The following ZFYVE28 variants were observed in gnomAD, a reference collection of about 807,000 sequenced individuals.
ZFYVE28 encodes the protein zinc finger FYVE-type containing 28.
In ZFYVE28, 40 loss-of-function variants were observed where a neutral mutation model predicts 82.1. The ratio of observed to expected loss-of-function variants is 0.49; its 90% CI spans 0.38 to 0.63. The LOEUF is 0.63. ZFYVE28 is among the 30% of genes least tolerant of loss of function. The probability of loss-of-function intolerance (pLI) is 0.00; values close to 1 mark genes in which losing one functional copy is unlikely to be tolerated. For synonymous variants in ZFYVE28, 612 were observed against 546.1 expected (o/e 1.12, Z -1.68); for missense variants, 1,321 against 1,242.1 (o/e 1.06, Z -0.96).
intron 8 of ZFYVE28, among the ~76,000 whole-genome samples, chr4:2,297,478 A>G (rs1193631604): frequency 6.6e-6 from 1 of 152,174 alleles, no homozygotes; most frequent in Non-Finnish European, 1.5e-5. Context: ...GGAGGCCAGG[A>G]CCCACTGTCC....
chr4:2,351,102 T>C (rs1447358415), intron 2 of ZFYVE28, among the ~76,000 whole-genome samples: 9 of 152,176 alleles, frequency 5.9e-5, no homozygotes, highest in African/African-American at 1.7e-4. Flanking sequence ...GACTTGGGAT[T>C]GGCATCTGAA....
chr4:2,396,178 G>C (rs1300028786), intron 1 of ZFYVE28, among the ~76,000 whole-genome samples: 16 of 42,164 alleles, frequency 3.8e-4, no homozygotes, highest in Admixed American at 1.5e-3. Context: ...GACACAAGGT[G>C]GGGGTGTCTG....
At chr4:2,356,251 G>A (rs1442482575) in intron 1 of ZFYVE28, among the ~76,000 whole-genome samples, 1 of 152,214 alleles carries the variant, frequency 6.6e-6, no homozygotes, top group Admixed American at 6.5e-5. Flanking sequence ...GACCTGGGCA[G>A]CCAATGGGAA....
chr4:2,305,468 T>C lies in ZFYVE28; in HGVS notation c.872A>G (p.Asp291Gly). 24 of 1,612,954 alleles carry C rather than the reference T, an allele frequency of 1.5e-5. No homozygotes were observed. The highest frequency in any genetic ancestry group is 2.0e-5 in the Non-Finnish European group (24 of 1,180,026). ...GTCTGCGCGGATGGGGAACTCCACG[T>C]CTTGGGAAATGCAGAGGTTCCGTTC... ...TLERNLCISQ[D>G]VEFPIRADVQ... The change falls in exon 8 of 13, where the codon GAC (aspartate) becomes GGC (glycine). Residue 291 changes from aspartate (D) to glycine (G), a missense_variant. Asp to Gly is a moderately conservative substitution (Grantham distance 94, BLOSUM62 -1). This residue lies in a region of ZFYVE28 where 978 missense variants were observed against 833.7 expected (regional missense o/e 1.17). Coordinates refer to ENST00000290974, the MANE Select transcript of ZFYVE28 (RefSeq NM_020972.3).
intron 7 of ZFYVE28, among the ~76,000 whole-genome samples, chr4:2,307,273 T>C (rs1341754349): frequency 1.3e-5 from 2 of 152,192 alleles, no homozygotes; most frequent in Non-Finnish European, 2.9e-5. Context: ...ATTGATTGAG[T>C]TCTTTATATA....
rs1310681484 is a variant in ZFYVE28, at chr4:2,332,116, G to A, written c.701+3589C>T. Among the ~76,000 whole-genome samples, 2 of 152,200 alleles carry A rather than the reference G, an allele frequency of 1.3e-5. No homozygotes were observed. Among genetic ancestry groups the A allele is most frequent in the East Asian group, 1.9e-4 (1 of 5,180 alleles). On this transcript the variant is annotated intron_variant, in intron 6 of 12. Coordinates refer to ENST00000290974, the MANE Select transcript of ZFYVE28 (RefSeq NM_020972.3). The surrounding 1 kb of genome is among the most constrained non-coding windows in gnomAD (Gnocchi z 4.7). ...TGCTGGAGAAGGGACTGGGGCTCTC[G>A]GGCAGCAGCACAGTCACGGGCAGGA...
In ZFYVE28 at chr4:2,273,173, C is replaced by A. The variant is rs545364334; in HGVS notation, c.2323G>T (p.Val775Phe). Residue 775 changes from valine to phenylalanine, a missense_variant and splice_region_variant, in exon 10 of 13, where the codon GTC (valine) becomes TTC (phenylalanine). By Grantham distance (50) the Val-to-Phe change is conservative. This residue lies in a region of ZFYVE28 where 978 missense variants were observed against 833.7 expected (regional missense o/e 1.17). Coordinates refer to ENST00000290974, the MANE Select transcript of ZFYVE28 (RefSeq NM_020972.3). ...ETDDKEKLRK[V>F]TQTLRSAALE... is the part of the protein sequence containing the mutation. ...GAGCCCGTCCTGAGTGGGCACTCAC[C>A]CTTCCTTAACTTTTCCTTGTCGTCT... is the stretch of plus-strand genomic sequence containing the variant. The A allele has an allele frequency of 2.5e-6, 4 of 1,612,662 alleles. No homozygotes were observed. Among genetic ancestry groups the A allele is most frequent in the South Asian group, 2.2e-5 (2 of 90,960 alleles).
At chr4:2,365,703 G>A (rs528173401) in intron 1 of ZFYVE28, among the ~76,000 whole-genome samples, 16 of 152,282 alleles carry the variant, frequency 1.1e-4, no homozygotes, top group South Asian at 4.1e-4. Flanking sequence ...CTGGAGCTGG[G>A]CTACACGGGG....
intron 8 of ZFYVE28, among the ~76,000 whole-genome samples, chr4:2,274,938 G>A (rs183521197): frequency 3.0e-4 from 41 of 137,168 alleles, no homozygotes; most frequent in Admixed American, 2.3e-3. Context: ...TTTGCACTTC[G>A]GGCCTCCGAC....
At position 2,304,405 on chromosome 4, in the gene ZFYVE28, T is replaced by G; in HGVS notation, c.1935A>C (p.Thr645=). The G allele has an allele frequency of 6.2e-7, 1 of 1,613,462 alleles. No homozygotes were observed. Among genetic ancestry groups the G allele is most frequent in the Non-Finnish European group, 8.5e-7 (1 of 1,179,996 alleles). The change falls in exon 8 of 13, where the codon ACA becomes ACC. Residue 645 remains threonine, a synonymous_variant. Transcript: ENST00000290974. ...LPHTSGSQVD[T]ASGLQGEAGV... The stretch of plus-strand genomic sequence containing the variant: ...CAGCCTCTCCTTGCAGCCCACTCGC[T>G]GTGTCCACCTGGGAACCTGAGGTGT...
At chr4:2,293,970 TAAAG>T (rs1439932172) in intron 8 of ZFYVE28, among the ~76,000 whole-genome samples, 1 of 151,704 alleles carries the variant, frequency 6.6e-6, no homozygotes, top group Admixed American at 6.6e-5. Flanking sequence ...CCTAAATAAA[TAAAG>T]AGATATACTA....
Position 2,339,745 on chromosome 4 carries a change from G to T in ZFYVE28, c.319-90C>A, listed in dbSNP as rs1316151992. On this transcript the variant is annotated intron_variant, in intron 3 of 12. Coordinates refer to ENST00000290974, the MANE Select transcript of ZFYVE28 (RefSeq NM_020972.3). The surrounding 1 kb of genome is among the most constrained non-coding windows in gnomAD (Gnocchi z 5.0). The stretch of plus-strand genomic sequence containing the variant: ...CCGGGGAACCTGACTGCGCACCTCG[G>T]GGCCCCTCTTCTCACCCCACAGCAC... 1 of 1,276,336 alleles carries T rather than the reference G, an allele frequency of 7.8e-7. No homozygotes were observed. Among genetic ancestry groups the T allele is most frequent in the African/African-American group, 1.5e-5 (1 of 67,172 alleles). 79.1% of individuals were successfully genotyped at this position (1,276,336 alleles called of 1,614,324 possible). A position where few individuals can be genotyped will look rare whatever the true frequency, so the allele number is the denominator to read the frequency against.
At chr4:2,328,115 C>T in intron 6 of ZFYVE28, among the ~76,000 whole-genome samples, 1 of 152,186 alleles carries the variant, frequency 6.6e-6, no homozygotes, top group East Asian at 1.9e-4. Context: ...GTCTCATGTT[C>T]ATTGCAGCAT....
Position 2,270,803 on chromosome 4 carries a change from C to T in ZFYVE28, c.2586G>A (p.Gln862=), listed in dbSNP as rs896801645. Residue 862 remains glutamine, a synonymous_variant, in exon 13 of 13, where the codon CAG becomes CAA. Transcript: ENST00000290974. ...GGGTGCACACTCGGACCGGCTTCAC[C>T]TGCCCGTAGCGGGGCAGCGGTGCTG... ...SHSAPLPRYG[Q]VKPVRVCTHC... The T allele has an allele frequency of 6.2e-6, 10 of 1,613,004 alleles. No individual in the cohort carries two copies. The highest frequency in any genetic ancestry group is 1.6e-4 in the Middle Eastern group (1 of 6,084).
chr4:2,365,300 G>T (rs191752047), intron 1 of ZFYVE28, among the ~76,000 whole-genome samples: 5 of 152,156 alleles, frequency 3.3e-5, no homozygotes, highest in African/African-American at 1.2e-4. Context: ...AGGAGGGGCC[G>T]CGCGGCGCCT....
In ZFYVE28 at chr4:2,339,883, A is replaced by C. The variant is rs1578167067; in HGVS notation, c.319-228T>G. 1.5e-5 allele frequency among the ~76,000 whole-genome samples: 2 copies of C among 136,584 alleles called. No individual in the cohort carries two copies. Among genetic ancestry groups the C allele is most frequent in the African/African-American group, 5.4e-5 (2 of 37,010 alleles). 89.6% of individuals were successfully genotyped at this position (136,584 alleles called of 152,430 possible). ...ACCCACGGGGTCCTCACAGGGCCCCAGGAGCAGGGAGGGCAGGGCATGGCA... is the reference window on the plus strand; with the variant it reads ...ACCCACGGGGTCCTCACAGGGCCCCCGGAGCAGGGAGGGCAGGGCATGGCA... On this transcript the variant is annotated intron_variant, in intron 3 of 12. Transcript: ENST00000290974. The surrounding 1 kb of genome is among the most constrained non-coding windows in gnomAD (Gnocchi z 5.0).
At chr4:2,325,648 C>T (rs1443076833) in intron 6 of ZFYVE28, among the ~76,000 whole-genome samples, 2 of 135,492 alleles carry the variant, frequency 1.5e-5, no homozygotes, top group Non-Finnish European at 1.5e-5. Context: ...ATTGCCCAGA[C>T]TGTAATTCAA....
At chr4:2,406,535 G>T (rs1024910515) in intron 1 of ZFYVE28, 1 of 152,230 alleles carries the variant, frequency 6.6e-6, no homozygotes, top group Non-Finnish European at 1.5e-5. Context: ...TTTGAGCGCC[G>T]TGCTTACCTG....
intron 1 of ZFYVE28, among the ~76,000 whole-genome samples, chr4:2,382,256 A>G (rs1444633144): frequency 1.3e-4 from 20 of 152,214 alleles, no homozygotes; most frequent in African/African-American, 4.8e-4. Flanking sequence ...GGCACCACCT[A>G]GTGGAGCTGT....
Sources: gnomAD v4.1 joint callset for allele counts (sites outside exome capture counted in the v4.1 genomes callset) on GRCh38, gnomAD v4.1.1 for gene constraint, gnomAD v4.1.1 regional missense constraint, Gnocchi (gnomAD v3.1) non-coding constraint, MANE v1.5 for transcripts, NCBI Gene and HGNC (gene_info 2026-07-23, HGNC 2026-07-21) for gene names.